SPICE1: variants seen among roughly 807,000 people sequenced by gnomAD.
The protein encoded by SPICE1 is spindle and centriole-associated protein 1.
In SPICE1, 75 loss-of-function variants were observed where a neutral mutation model predicts 102.7. The ratio of observed to expected loss-of-function variants is 0.73; its 90% CI spans 0.61 to 0.88. SPICE1 has a LOEUF of 0.88. SPICE1 is among the 40% of genes least tolerant of loss of function. The probability of loss-of-function intolerance (pLI) is 0.00; values close to 1 mark genes in which losing one functional copy is unlikely to be tolerated. For missense variants in SPICE1, 979 were observed against 1,020.1 expected (o/e 0.96, Z 0.55); for synonymous variants, 308 against 350.3 (o/e 0.88, Z 1.35).
intron 7 of SPICE1, among the ~76,000 whole-genome samples, chr3:113,487,477 C>T (rs1370818180): frequency 6.6e-6 from 1 of 152,042 alleles, no homozygotes; most frequent in East Asian, 1.9e-4. Flanking sequence ...GGTCTAAAAA[C>T]AATGACTGCC....
rs1220135471 is a variant in SPICE1, at chr3:113,450,454, A to G, written c.2205T>C (p.Asn735=). 6.2e-7 allele frequency: 1 copy of G among 1,613,538 alleles called. No individual in the cohort carries two copies. Among genetic ancestry groups the G allele is most frequent in the Admixed American group, 1.7e-5 (1 of 59,936 alleles). Residue 735 remains asparagine (N), a synonymous_variant, in exon 15 of 18, where the codon AAT becomes AAC. Transcript: ENST00000295872. Reference sequence around the variant, plus strand: ...TTCCACGAGCCTCCATACTTTGTCGATTCAATTCTGCAATCCGTTCCTCCA... The same window carrying G: ...TTCCACGAGCCTCCATACTTTGTCGGTTCAATTCTGCAATCCGTTCCTCCA... ...GSMEERIAEL[N]RQSMEARGKL... is the part of the protein sequence containing the mutation.
intron 7 of SPICE1, 72 bp from the exon 8 acceptor site, chr3:113,469,310 T>C: frequency 1.8e-6 from 1 of 544,954 alleles, no homozygotes; most frequent in Non-Finnish European, 2.5e-6. Flanking sequence ...ATAAATTAAA[T>C]GATAGCAGGC....
intron 10 of SPICE1, 53 bp from the exon 11 acceptor site, chr3:113,465,837 TAA>T (rs1936044135): frequency 6.3e-7 from 1 of 1,578,486 alleles, no homozygotes; most frequent in Admixed American, 1.8e-5. Context: ...TGTTGAAAAC[TAA>T]AAGTTTGCAC....
chr3:113,467,453 G>A (rs1254082864), intron 10 of SPICE1, among the ~76,000 whole-genome samples: 10 of 151,960 alleles, frequency 6.6e-5, no homozygotes, highest in African/African-American at 1.4e-4. Flanking sequence ...CACCATGCCC[G>A]ACTAATTTTT....
intron 6 of SPICE1, among the ~76,000 whole-genome samples, chr3:113,491,392 G>A (rs564934192): frequency 8.2e-4 from 125 of 151,620 alleles, no homozygotes; most frequent in African/African-American, 2.7e-3. Flanking sequence ...AGGCCGAGGC[G>A]GGCGGATCAC....
rs765816223 is a variant in SPICE1, at chr3:113,468,281, A to G, written c.1013T>C (p.Ile338Thr). ...TTCCATTTCATGTTCCACTTCATGTATCATGTGTTTGAGGACATCCAGGTT... is the reference window on the plus strand; with the variant it reads ...TTCCATTTCATGTTCCACTTCATGTGTCATGTGTTTGAGGACATCCAGGTT... ...NSNLDVLKHM[I>T]HEVEHEMEEY... is the part of the protein sequence containing the mutation. Residue 338 changes from isoleucine (I) to threonine (T), a missense_variant, in exon 10 of 18, where the codon ATA becomes ACA. Transcript: ENST00000295872. 8.1e-6 allele frequency: 13 copies of G among 1,614,000 alleles called. No individual in the cohort carries two copies. The highest frequency in any genetic ancestry group is 2.2e-5 in the East Asian group (1 of 44,882).
intron 3 of SPICE1, among the ~76,000 whole-genome samples, chr3:113,501,086 G>A (rs954801737): frequency 4.6e-5 from 7 of 152,248 alleles, no homozygotes; most frequent in African/African-American, 1.2e-4. Flanking sequence ...AAATAGAATT[G>A]AGAGTGCTGA....
chr3:113,476,693 C>T (rs1313355553), intron 7 of SPICE1, among the ~76,000 whole-genome samples: 6 of 150,946 alleles, frequency 4.0e-5, no homozygotes, highest in African/African-American at 1.5e-4. Context: ...GAAAGGATTC[C>T]CTATTTAATA....
chr3:113,503,252 T>TAAAA, intron 2 of SPICE1, 25 bp from the exon 3 acceptor site: 1 of 1,281,820 alleles, frequency 7.8e-7, no homozygotes, highest in East Asian at 2.8e-5. Flanking sequence ...GGCCTTTCTT[T>TAAAA]AAAAAAAAAA....
In SPICE1 at chr3:113,454,489, A is replaced by T. The variant is rs1935734513; in HGVS notation, c.1658-539T>A. Among the ~76,000 whole-genome samples, 6 of 152,078 alleles carry T rather than the reference A, an allele frequency of 3.9e-5. No individual in the cohort carries two copies. In the South Asian group the frequency reaches 1.2e-3, roughly 32 times the overall value. On this transcript the variant is annotated intron_variant, in intron 13 of 17. Transcript: ENST00000295872. ...TTTGCAAGGCCAAGGTCGGCAGATC[A>T]CCTCAGGTCAGGAGTTCGAGATCAG...
intron 7 of SPICE1, among the ~76,000 whole-genome samples, chr3:113,482,135 G>A (rs1424350735): frequency 6.6e-6 from 1 of 152,088 alleles, no homozygotes; most frequent in Non-Finnish European, 1.5e-5. Flanking sequence ...ATCTCATTGT[G>A]GTTTTGATTT....
chr3:113,469,046 A>G (rs1200660682), intron 8 of SPICE1, 53 bp downstream of exon 8: 8 of 1,589,442 alleles, frequency 5.0e-6, no homozygotes, highest in Middle Eastern at 1.7e-4. Context: ...ACTGCATTCA[A>G]GAATGAACCT....
intron 17 of SPICE1, among the ~76,000 whole-genome samples, chr3:113,446,118 T>C (rs896579885): frequency 6.6e-6 from 1 of 152,202 alleles, no homozygotes; most frequent in Non-Finnish European, 1.5e-5. Context: ...ATTAAGACAT[T>C]TATTTTTCCC....
chr3:113,470,121 G>A (rs1936160836), intron 7 of SPICE1, among the ~76,000 whole-genome samples: 1 of 152,182 alleles, frequency 6.6e-6, no homozygotes, highest in South Asian at 2.1e-4. Context: ...TGTCTCATTT[G>A]TCTATTTCTC....
intron 6 of SPICE1, among the ~76,000 whole-genome samples, chr3:113,489,682 C>T (rs1936723392): frequency 6.6e-6 from 1 of 151,770 alleles, no homozygotes; most frequent in Non-Finnish European, 1.5e-5. Context: ...CATGTCTCTA[C>T]AAAAAAATTT....
At chr3:113,479,225 G>A (rs998581024) in intron 7 of SPICE1, among the ~76,000 whole-genome samples, 21 of 149,080 alleles carry the variant, frequency 1.4e-4, no homozygotes, top group African/African-American at 4.9e-4. Flanking sequence ...AACATGTGGT[G>A]TTTGGTTTTT....
chr3:113,478,029 A>C (rs923529383), intron 7 of SPICE1, among the ~76,000 whole-genome samples: 1 of 151,966 alleles, frequency 6.6e-6, no homozygotes, highest in Non-Finnish European at 1.5e-5. Context: ...AAAAAAAAGA[A>C]AACAAGATTA....
chr3:113,494,157 A>C lies in SPICE1; in HGVS notation c.292-15T>G, dbSNP rs1229953177. 1 of 1,504,824 alleles carries C rather than the reference A, an allele frequency of 6.6e-7. No homozygotes were observed. Among genetic ancestry groups the C allele is most frequent in the Non-Finnish European group, 9.2e-7 (1 of 1,091,844 alleles). The allele number at this position is 1,504,824 out of a possible 1,614,324, so 93.2% of individuals were successfully genotyped here. A position where few individuals can be genotyped will look rare whatever the true frequency, so the allele number is the denominator to read the frequency against. On this transcript the variant is annotated splice_polypyrimidine_tract_variant and intron_variant, in intron 4 of 17. Transcript: ENST00000295872. ...TCAGAAAGAATCTAGACATGTGTTA[A>C]TGACAAATATTATTATTCAGATTAT...
At chr3:113,514,399 AC>A in intron 1 of SPICE1, 2 of 348,162 alleles carry the variant, frequency 5.7e-6, no homozygotes, top group East Asian at 7.7e-5. Context: ...ATAGATCTGA[AC>A]CCTTTACCTA....
Sources: gnomAD v4.1 joint callset for allele counts (sites outside exome capture counted in the v4.1 genomes callset) on GRCh38, gnomAD v4.1.1 for gene constraint, MANE v1.5 for transcripts, NCBI Gene and HGNC (gene_info 2026-07-23, HGNC 2026-07-21) for gene names.